Variants in CRADD observed in about 807,000 individuals in gnomAD.
CRADD encodes the protein CARD and death domain containing adaptor protein.
Under a neutral mutation model 15.5 loss-of-function variants are expected in CRADD, and 9 were observed. The observed-to-expected ratio is 0.58, with a 90% confidence interval of 0.35 to 1.01. CRADD has a LOEUF of 1.01. CRADD is among the 50% of genes least tolerant of loss of function. The pLI is 0.02. For missense variants in CRADD, 227 were observed against 250.3 expected, an observed-to-expected ratio of 0.91 and a Z score of 0.63; for synonymous variants, 118 against 107.6, an observed-to-expected ratio of 1.10 and a Z score of -0.60.
At chr12:93,880,614 T>G (rs569515313) in intron 2 of CRADD, among the ~76,000 whole-genome samples, 20 of 152,310 alleles carry the variant, frequency 1.3e-4, no homozygotes, top group Admixed American at 3.9e-4. Context: ...AGCATGTGAA[T>G]AGAAGAGCAT....
rs770352450 is a variant in CRADD at position 93,850,120 on chromosome 12, C to G, written c.449C>G (p.Ala150Gly). 6.2e-7 allele frequency: 1 copy of G among 1,614,142 alleles called. No homozygotes were observed. The highest frequency in any genetic ancestry group is 1.7e-5 in the Admixed American group (1 of 60,030). Residue 150 changes from alanine to glycine, a missense_variant, in exon 3 of 3, where the codon GCC (alanine) becomes GGC (glycine). Physicochemically the swap from Ala to Gly is moderately conservative, Grantham distance 60 (BLOSUM62 0). Transcript: ENST00000332896. This position sits in a 1 kb window ranked among gnomAD's most constrained non-coding sequence, Gnocchi z 4.0. ...LSQTDIYRCK[A>G]NHPHNVQSQV... ...CAGACGGATATCTACCGCTGTAAGG[C>G]CAACCACCCCCACAACGTGCAGTCG...
At chr12:93,686,737 A>G (rs1483771013) in intron 2 of CRADD, among the ~76,000 whole-genome samples, 1 of 152,246 alleles carries the variant, frequency 6.6e-6, no homozygotes, top group Non-Finnish European at 1.5e-5. Context: ...CAACTTGCCC[A>G]TGATCACACA....
At chr12:93,763,389 A>G (rs952858163) in intron 2 of CRADD, among the ~76,000 whole-genome samples, 3 of 152,218 alleles carry the variant, frequency 2.0e-5, no homozygotes, top group Non-Finnish European at 4.4e-5. Context: ...AAATCTGCTC[A>G]AAGGAGAAGG....
chr12:93,846,839 G>A (rs1259482639), intron 2 of CRADD, among the ~76,000 whole-genome samples: 7 of 152,170 alleles, frequency 4.6e-5, no homozygotes, highest in Admixed American at 4.6e-4. Context: ...AGTGGCTCAC[G>A]CCTGTAGTCC....
At chr12:93,794,349 C>T (rs1957388089) in intron 2 of CRADD, among the ~76,000 whole-genome samples, 1 of 152,072 alleles carries the variant, frequency 6.6e-6, no homozygotes, top group Non-Finnish European at 1.5e-5. Context: ...TTAATGTATC[C>T]AAATCATAAC....
intron 2 of CRADD, among the ~76,000 whole-genome samples, chr12:93,711,494 C>A (rs978171710): frequency 6.6e-6 from 1 of 152,072 alleles, no homozygotes; most frequent in African/African-American, 2.4e-5. Flanking sequence ...ATCCAGACTC[C>A]TCATCATAAA....
intron 2 of CRADD, among the ~76,000 whole-genome samples, chr12:93,808,923 C>CT (rs1049363773): frequency 2.6e-5 from 4 of 151,678 alleles, no homozygotes; most frequent in African/African-American, 7.3e-5. Flanking sequence ...TTCTTTTTTT[C>CT]TTTTTTTTGA....
intron 2 of CRADD, among the ~76,000 whole-genome samples, chr12:93,889,418 C>G (rs1958560774): frequency 6.6e-6 from 1 of 152,130 alleles, no homozygotes; most frequent in African/African-American, 2.4e-5. Flanking sequence ...AAAGAAAACA[C>G]TCAATTCATA....
intron 2 of CRADD, among the ~76,000 whole-genome samples, chr12:93,832,417 C>T (rs2137031112): frequency 6.6e-6 from 1 of 152,290 alleles, no homozygotes; most frequent in South Asian, 2.1e-4. Context: ...AAGTCAGCTG[C>T]CTTCTTAGCG....
At chr12:93,776,837 T>C (rs1346135281) in intron 2 of CRADD, among the ~76,000 whole-genome samples, 2 of 152,128 alleles carry the variant, frequency 1.3e-5, no homozygotes, top group African/African-American at 4.8e-5. Flanking sequence ...GGCAAATCCA[T>C]AGAGACAGAA....
chr12:93,760,220 G>C (rs1466306985), intron 2 of CRADD, among the ~76,000 whole-genome samples: 2 of 152,156 alleles, frequency 1.3e-5, no homozygotes, highest in African/African-American at 4.8e-5. Context: ...TAATCTCTGT[G>C]TGATTAATTA....
Position 93,820,748 on chromosome 12 carries a change from T to A in CRADD, c.299-29222T>A, listed in dbSNP as rs185461468. Among the ~76,000 whole-genome samples the A allele has an allele frequency of 3.2e-4, 49 of 152,290 alleles. No individual in the cohort carries two copies. The East Asian group carries it at 7.5e-3, about 23-fold the overall frequency. The stretch of plus-strand genomic sequence containing the variant: ...TCCCACAGCAGTCGGGATGGATTTG[T>A]GAAAATGTAAATTGGATCATGCCCC... On this transcript the variant is annotated intron_variant, in intron 2 of 2. Transcript: ENST00000332896.
intron 2 of CRADD, among the ~76,000 whole-genome samples, chr12:93,720,511 G>A (rs1044594973): frequency 3.9e-5 from 6 of 152,146 alleles, no homozygotes; most frequent in African/African-American, 1.4e-4. Flanking sequence ...TCTGAGGGAT[G>A]CTAAGCCTCC....
At chr12:93,788,640 G>C (rs140036800) in intron 2 of CRADD, among the ~76,000 whole-genome samples, 1 of 152,290 alleles carries the variant, frequency 6.6e-6, no homozygotes, top group Non-Finnish European at 1.5e-5. Context: ...GGTAGTTGTT[G>C]TCTAGTTGTC....
chr12:93,850,472 ATTC>A lies in CRADD; in HGVS notation c.*204_*206del, dbSNP rs771084618. The stretch of plus-strand genomic sequence containing the variant: ...GCAGATCTCCCATGTTGGCTCAACA[ATTC>A]TTTGTTTTTAATTGCTTGAAGATTG... On this transcript the variant is annotated 3_prime_UTR_variant, in exon 3 of 3. Transcript: ENST00000332896. This position sits in a 1 kb window ranked among gnomAD's most constrained non-coding sequence, Gnocchi z 4.0. The A allele has an allele frequency of 5.1e-5, 68 of 1,322,262 alleles. No individual in the cohort carries two copies. The highest frequency in any genetic ancestry group is 5.5e-4 in the Middle Eastern group (2 of 3,616). 81.9% of individuals were successfully genotyped at this position (1,322,262 alleles called of 1,614,324 possible). A position where few individuals can be genotyped will look rare whatever the true frequency, so the allele number is the denominator to read the frequency against.
intron 2 of CRADD, among the ~76,000 whole-genome samples, chr12:93,886,837 C>T (rs147864523): frequency 1.6e-3 from 246 of 152,202 alleles, no homozygotes; most frequent in Non-Finnish European, 2.6e-3. Flanking sequence ...TTTCAATCTG[C>T]GGAGGTTCCA....
intron 2 of CRADD, among the ~76,000 whole-genome samples, chr12:93,684,736 C>T (rs1052474167): frequency 6.6e-6 from 1 of 152,154 alleles, no homozygotes; most frequent in Non-Finnish European, 1.5e-5. Context: ...GGGAAAGCCT[C>T]TCTGATGAGG....
intron 2 of CRADD, among the ~76,000 whole-genome samples, chr12:93,790,912 GAC>G (rs58305551): frequency 1.0e-3 from 150 of 144,492 alleles, no homozygotes; most frequent in Middle Eastern, 7.1e-3. Flanking sequence ...CCATATACAT[GAC>G]ACACACACAC....
chr12:93,873,602 G>T (rs1479735605), intron 2 of CRADD, among the ~76,000 whole-genome samples: 1 of 151,946 alleles, frequency 6.6e-6, no homozygotes, highest in Non-Finnish European at 1.5e-5. Flanking sequence ...CCAGTTTTTT[G>T]AGGGTTTTTA....
Sources: gnomAD v4.1 joint callset for allele counts (sites outside exome capture counted in the v4.1 genomes callset) on GRCh38, gnomAD v4.1.1 for gene constraint, Gnocchi (gnomAD v3.1) non-coding constraint, MANE v1.5 for transcripts, NCBI Gene and HGNC (gene_info 2026-07-23, HGNC 2026-07-21) for gene names.